Variants in FAT1 observed in about 807,000 individuals in gnomAD.
The protein encoded by FAT1 is FAT atypical cadherin 1.
In FAT1, 171 loss-of-function variants were observed where a neutral mutation model predicts 329.8. The ratio of observed to expected loss-of-function variants is 0.52; its 90% confidence interval spans 0.46 to 0.59. FAT1 has a LOEUF of 0.59. FAT1 is among the 20% of genes least tolerant of loss of function. The pLI is 0.00. For missense variants in FAT1, 5,672 were observed against 5,774.4 expected (o/e 0.98, Z 0.57); for synonymous variants, 2,233 against 2,228.6 (o/e 1.00, Z -0.06).
At chr4:186,686,601 GT>G (rs1234538621) in intron 2 of FAT1, among the ~76,000 whole-genome samples, 6 of 152,046 alleles carry the variant, frequency 3.9e-5, no homozygotes, top group East Asian at 1.9e-4. Context: ...GCTTAGCGCT[GT>G]TTTTTTTAAG....
rs2126520509 is a variant in FAT1 at position 186,620,926 on chromosome 4, G to C, written c.5660C>G (p.Ser1887Cys). The C allele has an allele frequency of 6.2e-7, 1 of 1,614,020 alleles. No homozygotes were observed. The highest frequency in any genetic ancestry group is 8.5e-7 in the Non-Finnish European group (1 of 1,179,910). Residue 1887 changes from serine to cysteine, a missense_variant, in exon 10 of 27, where the codon TCT becomes TGT. By Grantham distance (112) the Ser-to-Cys change is moderately radical. This residue lies in a region of FAT1 where 3,966 missense variants were observed against 3,915.2 expected (regional missense o/e 1.01). Transcript: ENST00000441802. ...PVFAKPLYEASLLLPTYKGVK... is the reference protein window; with the variant it reads ...PVFAKPLYEACLLLPTYKGVK... ...TCCTTTGTATGTTGGTAACAAAAGA[G>C]ATGCTTCATATAATGGCTTGGCAAA...
In FAT1 at chr4:186,707,306, A is replaced by G. The variant is rs1344469224; in HGVS notation, c.2522T>C (p.Ile841Thr). 1 of 1,613,966 alleles carries G rather than the reference A, an allele frequency of 6.2e-7. No homozygotes were observed. The change falls in exon 2 of 27, where the codon ATC becomes ACC. Residue 841 changes from isoleucine (I) to threonine (T), a missense_variant. Ile to Thr is a moderately conservative substitution (Grantham distance 89). Around this residue, in one of 2 missense-constraint regions of FAT1, gnomAD observed 3,966 missense variants for 3,915.2 expected, o/e 1.01. Transcript: ENST00000441802. Reference protein sequence around the residue: ...VSEDKEVHSEIIQVEATDKDL... With the variant: ...VSEDKEVHSETIQVEATDKDL... ...TTTATCTGTGGCTTCAACCTGGATGATTTCACTATGTACCTCCTTGTCTTC... is the reference window on the plus strand; with the variant it reads ...TTTATCTGTGGCTTCAACCTGGATGGTTTCACTATGTACCTCCTTGTCTTC...
intron 6 of FAT1, 71 bp from the exon 7 acceptor site, chr4:186,633,894 A>T: frequency 6.4e-7 from 1 of 1,550,408 alleles, no homozygotes; most frequent in South Asian, 1.1e-5. Flanking sequence ...TGGCTTTCTC[A>T]TACTTAATGG....
chr4:186,615,883 A>G (rs897885625), intron 11 of FAT1, among the ~76,000 whole-genome samples: 16 of 152,276 alleles, frequency 1.1e-4, no homozygotes, highest in African/African-American at 3.6e-4. Context: ...CCATCTCTCA[A>G]TGTCTAAAAA....
At chr4:186,669,383 G>A (rs1742630371) in intron 2 of FAT1, among the ~76,000 whole-genome samples, 1 of 152,206 alleles carries the variant, frequency 6.6e-6, no homozygotes, top group Non-Finnish European at 1.5e-5. Context: ...ATGCTATGAC[G>A]CAGATTTGGA....
Position 186,636,014 on chromosome 4 carries a change from G to A in FAT1, c.4183+11C>T, listed in dbSNP as rs751603566. The A allele has an allele frequency of 6.2e-7, 1 of 1,612,930 alleles. No homozygotes were observed. Among genetic ancestry groups the A allele is most frequent in the African/African-American group, 1.3e-5 (1 of 74,894 alleles). ...CCCATACGGACAACGAAAATGAGGG[G>A]GAATGCTTACCAGTGATGTCAAACC... On this transcript the variant is annotated intron_variant, in intron 6 of 26. Coordinates refer to ENST00000441802, the MANE Select transcript of FAT1 (RefSeq NM_005245.4).
intron 2 of FAT1, among the ~76,000 whole-genome samples, chr4:186,668,521 G>A (rs144559269): frequency 2.0e-5 from 3 of 152,282 alleles, no homozygotes; most frequent in Non-Finnish European, 4.4e-5. Flanking sequence ...CCAGAGTGAA[G>A]GACTTCCTTA....
At chr4:186,606,269 A>G (rs2126449125) in intron 16 of FAT1, 56 bp from the exon 17 acceptor site, 1 of 1,594,760 alleles carries the variant, frequency 6.3e-7, no homozygotes, top group South Asian at 1.1e-5. Context: ...ACAGAGCTCC[A>G]ATGAGGAGTG....
In FAT1 at chr4:186,618,762, A is replaced by C. The variant is rs2126498658; in HGVS notation, c.7824T>G (p.Ser2608Arg). The change falls in exon 10 of 27, where the codon AGT becomes AGG. Residue 2608 changes from serine to arginine, a missense_variant. Around this residue, in one of 2 missense-constraint regions of FAT1, gnomAD observed 3,966 missense variants for 3,915.2 expected, o/e 1.01. Coordinates refer to ENST00000441802, the MANE Select transcript of FAT1 (RefSeq NM_005245.4). Reference protein sequence around the residue: ...ATKYEVNIGSSAAKGTSVVKV... With the variant: ...ATKYEVNIGSRAAKGTSVVKV... ...TAACGACTGAAGTCCCTTTAGCAGC[A>C]CTGGACCCGATATTCACTTCGTATT... is the stretch of plus-strand genomic sequence containing the variant. The C allele has an allele frequency of 6.2e-7, 1 of 1,614,002 alleles. No homozygotes were observed.
At position 186,663,328 on chromosome 4, in the gene FAT1, T is replaced by C. The variant is rs1362408508; in HGVS notation, c.3551A>G (p.Gln1184Arg). 1 of 1,613,840 alleles carries C rather than the reference T, an allele frequency of 6.2e-7. No individual in the cohort carries two copies. Among genetic ancestry groups the C allele is most frequent in the Non-Finnish European group, 8.5e-7 (1 of 1,179,760 alleles). The change falls in exon 3 of 27, where the codon CAA (glutamine) becomes CGA (arginine). Residue 1184 changes from glutamine to arginine, a missense_variant. By Grantham distance (43) the Gln-to-Arg change is conservative. This residue lies in a region of FAT1 where 3,966 missense variants were observed against 3,915.2 expected (regional missense o/e 1.01). Coordinates refer to ENST00000441802, the MANE Select transcript of FAT1 (RefSeq NM_005245.4). Reference protein sequence around the residue: ...LMYKITSGNPQGFFSIHPKTG... With the variant: ...LMYKITSGNPRGFFSIHPKTG... ...TTTAGGATGTATTGAAAAGAATCCT[T>C]GTGGATTTCCACTTGTAATTTTGTA...
chr4:186,700,889 T>G (rs921283890), intron 2 of FAT1, among the ~76,000 whole-genome samples: 9 of 152,154 alleles, frequency 5.9e-5, no homozygotes, highest in Admixed American at 5.9e-4. Flanking sequence ...CCAGTGTCAT[T>G]ACCACTGACA....
Position 186,618,148 on chromosome 4 carries a change from G to A in FAT1, c.8438C>T (p.Pro2813Leu), listed in dbSNP as rs1739812081. ...GTTTTCAACAATGAATGCCTCATAT[G>A]GACTAGATTCAAAGACCGGGCTGTT... ...NDNSPVFESS[P>L]YEAFIVENLP... The change falls in exon 10 of 27, where the codon CCA (proline) becomes CTA (leucine). Residue 2813 changes from proline to leucine, a missense_variant. Pro to Leu is a moderately conservative substitution (Grantham distance 98, BLOSUM62 -3). Around this residue, in one of 2 missense-constraint regions of FAT1, gnomAD observed 3,966 missense variants for 3,915.2 expected, o/e 1.01. Coordinates refer to ENST00000441802, the MANE Select transcript of FAT1 (RefSeq NM_005245.4). 6.2e-7 allele frequency: 1 copy of A among 1,613,954 alleles called. No individual in the cohort carries two copies. Among genetic ancestry groups the A allele is most frequent in the Non-Finnish European group, 8.5e-7 (1 of 1,179,894 alleles).
chr4:186,685,076 A>G (rs1051509033), intron 2 of FAT1, among the ~76,000 whole-genome samples: 1 of 152,194 alleles, frequency 6.6e-6, no homozygotes, highest in African/African-American at 2.4e-5. Flanking sequence ...ACACAGGAGT[A>G]ACCAGGAGCG....
chr4:186,716,488 C>T (rs1561017801), intron 1 of FAT1, among the ~76,000 whole-genome samples: 1 of 151,946 alleles, frequency 6.6e-6, no homozygotes, highest in Non-Finnish European at 1.5e-5. Flanking sequence ...AGAGCAGTGG[C>T]ACCATCATAG....
At chr4:186,679,407 ACT>A (rs1433511776) in intron 2 of FAT1, among the ~76,000 whole-genome samples, 1 of 119,354 alleles carries the variant, frequency 8.4e-6, no homozygotes. Context: ...ACAGAGTGAG[ACT>A]CTGTCTCAAA....
At chr4:186,705,824 A>G (rs1333563641) in intron 2 of FAT1, among the ~76,000 whole-genome samples, 1 of 152,224 alleles carries the variant, frequency 6.6e-6, no homozygotes, top group Non-Finnish European at 1.5e-5. Flanking sequence ...CACTGCTACC[A>G]TGAATAAACC....
intron 22 of FAT1, chr4:186,598,673 C>T (rs1372565672): frequency 6.6e-6 from 1 of 152,294 alleles, no homozygotes; most frequent in African/African-American, 2.4e-5. Flanking sequence ...GAACTAGAGG[C>T]ATGCCACATG....
chr4:186,725,897 G>T (rs1745702517), upstream of FAT1, among the ~76,000 whole-genome samples: 1 of 152,184 alleles, frequency 6.6e-6, no homozygotes, highest in African/African-American at 2.4e-5. This position sits in a 1 kb window ranked among gnomAD's most constrained non-coding sequence, Gnocchi z 5.4. Context: ...ATGGGCCCGG[G>T]TGGGTGGTCA....
chr4:186,649,635 G>A (rs1355991634), intron 3 of FAT1, among the ~76,000 whole-genome samples: 3 of 152,284 alleles, frequency 2.0e-5, no homozygotes, highest in South Asian at 4.1e-4. Context: ...GGTTCCTGGA[G>A]ACTGGGAGGA....
Sources: allele counts gnomAD v4.1 joint callset (sites outside exome capture counted in the v4.1 genomes callset), GRCh38; gene constraint gnomAD v4.1.1; regional missense constraint gnomAD v4.1.1; non-coding constraint Gnocchi (gnomAD v3.1); transcripts MANE v1.5; gene names NCBI Gene and HGNC (gene_info 2026-07-23, HGNC 2026-07-21).